Variants in NEBL observed in about 807,000 individuals in gnomAD.
The protein encoded by NEBL is nebulette, also known as LIM and SH3 protein 2.
NEBL carries 122 observed loss-of-function variants against 140.2 expected under a neutral mutation model. The observed-to-expected ratio is 0.87, with a 90% CI of 0.75 to 1.01. The LOEUF is 1.01. Among genes scored for constraint, NEBL ranks in the 50% least tolerant of loss-of-function variants. The pLI, the probability that NEBL is intolerant of heterozygous loss-of-function variation, is 0.00. For missense variants in NEBL, 1,365 were observed against 1,231.3 expected, an observed-to-expected ratio of 1.11 and a Z score of -1.62; for synonymous variants, 436 against 398.9, an observed-to-expected ratio of 1.09 and a Z score of -1.11.
At chr10:21,066,384 A>T (rs1289689095) in intron 2 of NEBL, among the ~76,000 whole-genome samples, 1 of 152,230 alleles carries the variant, frequency 6.6e-6, no homozygotes, top group South Asian at 2.1e-4. Context: ...GATGATAGCA[A>T]TTCGTTGTTG....
intron 5 of NEBL, among the ~76,000 whole-genome samples, chr10:20,878,082 C>A (rs61269902): frequency 0.039 from 5,880 of 152,198 alleles, 361 homozygotes; most frequent in African/African-American, 0.13. Flanking sequence ...GTTTGGAGAT[C>A]ATTTAATTTT....
chr10:21,185,176 G>A (rs1177195065), intron 3 of NEBL, among the ~76,000 whole-genome samples: 2 of 152,154 alleles, frequency 1.3e-5, no homozygotes, highest in Non-Finnish European at 2.9e-5. Flanking sequence ...AAATTTTAGG[G>A]TGTGGCTTCT....
intron 2 of NEBL, among the ~76,000 whole-genome samples, chr10:21,131,249 C>A (rs1169071180): frequency 6.6e-6 from 1 of 152,196 alleles, no homozygotes; most frequent in Non-Finnish European, 1.5e-5. Context: ...CAATCATTAA[C>A]AATCTTTGAA....
chr10:20,971,746 T>G (rs1292288351), intron 3 of NEBL, among the ~76,000 whole-genome samples: 2 of 151,868 alleles, frequency 1.3e-5, no homozygotes, highest in Non-Finnish European at 2.9e-5. Context: ...CCCTAGTAGC[T>G]GGGACTATAG....
intron 11 of NEBL, among the ~76,000 whole-genome samples, chr10:20,845,780 A>G (rs1372214540): frequency 6.6e-6 from 1 of 152,164 alleles, no homozygotes; most frequent in Non-Finnish European, 1.5e-5. Context: ...CCCAAGCAGC[A>G]TTAATGTTCA....
intron 3 of NEBL, among the ~76,000 whole-genome samples, chr10:20,980,418 AAAG>A (rs1836990044): frequency 6.6e-6 from 1 of 152,212 alleles, no homozygotes; most frequent in African/African-American, 2.4e-5. Context: ...GGTGCTTGAG[AAAG>A]AAGAAGAGAC....
chr10:21,204,587 A>C (rs1841796605), intron 3 of NEBL, among the ~76,000 whole-genome samples: 1 of 152,136 alleles, frequency 6.6e-6, no homozygotes, highest in Non-Finnish European at 1.5e-5. Flanking sequence ...CCGCCTCCAG[A>C]ACTGTGAGAA....
chr10:20,850,295 C>A (rs931287964), intron 11 of NEBL, 100 bp downstream of exon 11: 5 of 961,702 alleles, frequency 5.2e-6, no homozygotes, highest in Admixed American at 1.8e-5. Flanking sequence ...CTGCCCACAG[C>A]AGCACTCTTC....
intron 1 of NEBL, among the ~76,000 whole-genome samples, chr10:21,264,622 T>G (rs930097181): frequency 6.7e-6 from 1 of 149,272 alleles, no homozygotes; most frequent in East Asian, 2.0e-4. Context: ...GGCACGTTGT[T>G]AAGTTCATAG....
At chr10:21,287,491 C>T (rs1843073005) in intron 1 of NEBL, among the ~76,000 whole-genome samples, 1 of 152,042 alleles carries the variant, frequency 6.6e-6, no homozygotes. Context: ...AACCAAGATT[C>T]GGCCACTGCT....
At chr10:21,061,472 CAT>C (rs780203921) in intron 2 of NEBL, among the ~76,000 whole-genome samples, 22 of 146,806 alleles carry the variant, frequency 1.5e-4, no homozygotes, top group Admixed American at 1.3e-3. Flanking sequence ...TATGATATAT[CAT>C]ATATTACATC....
chr10:21,170,890 C>T (rs1308970638), intron 2 of NEBL, among the ~76,000 whole-genome samples: 2 of 152,062 alleles, frequency 1.3e-5, no homozygotes, highest in Admixed American at 6.6e-5. Flanking sequence ...AACCAAGGGC[C>T]CTCCATCTCT....
chr10:21,002,083 C>T (rs1324289876), intron 3 of NEBL, among the ~76,000 whole-genome samples: 1 of 151,738 alleles, frequency 6.6e-6, no homozygotes, highest in African/African-American at 2.4e-5. Flanking sequence ...GGTACTCGCT[C>T]GATGTAAATG....
At chr10:21,272,448 G>C (rs1479140919) in intron 1 of NEBL, among the ~76,000 whole-genome samples, 1 of 151,976 alleles carries the variant, frequency 6.6e-6, no homozygotes, top group Non-Finnish European at 1.5e-5. Context: ...AATTAGCCAG[G>C]CATGATGGTG....
At chr10:21,023,065 G>A (rs1838863892) in intron 2 of NEBL, among the ~76,000 whole-genome samples, 1 of 152,124 alleles carries the variant, frequency 6.6e-6, no homozygotes, top group South Asian at 2.1e-4. Context: ...TTCCAACTTG[G>A]GAAGTTGAAC....
chr10:21,001,088 A>G (rs1357407522), intron 3 of NEBL, among the ~76,000 whole-genome samples: 1 of 152,088 alleles, frequency 6.6e-6, no homozygotes, highest in East Asian at 1.9e-4. Context: ...TCCCTTCTCC[A>G]CAGAAAGCAG....
intron 4 of NEBL, among the ~76,000 whole-genome samples, chr10:20,905,490 T>G (rs984487601): frequency 3.3e-5 from 5 of 152,008 alleles, no homozygotes; most frequent in African/African-American, 1.2e-4. Context: ...CCATCAGATC[T>G]CATGAGAACT....
chr10:20,826,087 A>G (rs1839824145), intron 18 of NEBL, among the ~76,000 whole-genome samples: 2 of 152,206 alleles, frequency 1.3e-5, no homozygotes, highest in Non-Finnish European at 2.9e-5. Flanking sequence ...TAATCATTGT[A>G]TCAGGGAAAA....
chr10:21,057,368 C>T (rs1369962968), intron 2 of NEBL, among the ~76,000 whole-genome samples: 1 of 151,754 alleles, frequency 6.6e-6, no homozygotes, highest in Non-Finnish European at 1.5e-5. Context: ...ATGTGGAAAA[C>T]AGGCATCAAA....
Sources: gnomAD v4.1 joint callset for allele counts (sites outside exome capture counted in the v4.1 genomes callset) on GRCh38, gnomAD v4.1.1 for gene constraint, MANE v1.5 for transcripts, NCBI Gene and HGNC (gene_info 2026-07-23, HGNC 2026-07-21) for gene names.